Variants in CSMD1 observed in about 807,000 individuals in gnomAD.
CSMD1 encodes the protein CUB and sushi domain-containing protein 1.
CSMD1 carries 213 observed loss-of-function variants against 417.5 expected under a neutral mutation model. The ratio of observed to expected loss-of-function variants is 0.51; its 90% CI spans 0.46 to 0.57. CSMD1 has a LOEUF of 0.57. Ranked by LOEUF, CSMD1 falls within the 20% of genes least tolerant of loss-of-function variation. The pLI, the probability that CSMD1 is intolerant of heterozygous loss-of-function variation, is 0.00. For missense variants in CSMD1, 6,923 were observed against 4,529.7 expected (o/e 1.53, Z -15.17); for synonymous variants, 2,862 against 1,736.8 (o/e 1.65, Z -16.11).
intron 11 of CSMD1, among the ~76,000 whole-genome samples, chr8:3,486,371 T>C (rs56965533): frequency 0.022 from 3,343 of 152,294 alleles, 236 homozygotes; most frequent in East Asian, 0.18. Flanking sequence ...CATGCATCTA[T>C]TGTTTTAATG....
chr8:4,022,327 C>T (rs1476412045), intron 4 of CSMD1, among the ~76,000 whole-genome samples: 2 of 151,908 alleles, frequency 1.3e-5, no homozygotes, highest in Admixed American at 1.3e-4. Flanking sequence ...GTGAACACCC[C>T]TCCAATTCAG....
At chr8:4,907,727 T>C (rs1585305434) in intron 1 of CSMD1, among the ~76,000 whole-genome samples, 1 of 84,948 alleles carries the variant, frequency 1.2e-5, no homozygotes. Flanking sequence ...CCCGGCAATT[T>C]TTTTTTTTTT....
intron 3 of CSMD1, among the ~76,000 whole-genome samples, chr8:4,102,583 A>G (rs1367287950): frequency 6.6e-6 from 1 of 152,172 alleles, no homozygotes; most frequent in African/African-American, 2.4e-5. Context: ...GGCTGAAATA[A>G]TTCAATCTAA....
intron 2 of CSMD1, among the ~76,000 whole-genome samples, chr8:4,622,790 A>G (rs1348502390): frequency 2.6e-5 from 4 of 152,150 alleles, no homozygotes; most frequent in Admixed American, 2.0e-4. Flanking sequence ...TACAGCACCC[A>G]AAAGAAGAAG....
intron 54 of CSMD1, among the ~76,000 whole-genome samples, chr8:2,981,637 G>A (rs975779020): frequency 5.3e-5 from 8 of 152,138 alleles, no homozygotes; most frequent in East Asian, 1.9e-4. Context: ...ACAGCTCAGC[G>A]TGGATTTTGT....
intron 21 of CSMD1, among the ~76,000 whole-genome samples, chr8:3,349,053 T>C (rs1315933530): frequency 6.6e-6 from 1 of 152,196 alleles, no homozygotes; most frequent in Non-Finnish European, 1.5e-5. Context: ...CCAACAATTT[T>C]ACAGACTATA....
At chr8:4,497,227 T>A (rs781165686) in intron 2 of CSMD1, among the ~76,000 whole-genome samples, 77 of 152,200 alleles carry the variant, frequency 5.1e-4, no homozygotes, top group Non-Finnish European at 9.0e-4. Flanking sequence ...TACTCCTGGA[T>A]GATCACTTCC....
intron 1 of CSMD1, among the ~76,000 whole-genome samples, chr8:4,984,473 AT>A (rs1185210401): frequency 2.6e-5 from 4 of 152,186 alleles, no homozygotes. Context: ...TTATAGGACC[AT>A]TTACCTGCTT....
intron 5 of CSMD1, among the ~76,000 whole-genome samples, chr8:3,974,004 A>G (rs2130111076): frequency 6.6e-6 from 1 of 152,348 alleles, no homozygotes; most frequent in South Asian, 2.1e-4. Context: ...CAATGCAATT[A>G]CACTCTTTAA....
At chr8:3,577,017 T>C (rs1238120390) in intron 9 of CSMD1, among the ~76,000 whole-genome samples, 1 of 152,206 alleles carries the variant, frequency 6.6e-6, no homozygotes, top group African/African-American at 2.4e-5. Context: ...CATTTCAAGC[T>C]TTTAAAAAGT....
chr8:4,657,295 G>A (rs567273186), intron 1 of CSMD1, among the ~76,000 whole-genome samples: 3 of 152,332 alleles, frequency 2.0e-5, no homozygotes, highest in East Asian at 3.9e-4. Flanking sequence ...CTGGCGAAGT[G>A]TTGAAGGAGG....
At chr8:3,366,505 A>C (rs1809574859) in intron 20 of CSMD1, among the ~76,000 whole-genome samples, 2 of 152,236 alleles carry the variant, frequency 1.3e-5, no homozygotes, top group Non-Finnish European at 1.5e-5. Flanking sequence ...ATTAAAAATA[A>C]AGATGTTACC....
intron 1 of CSMD1, among the ~76,000 whole-genome samples, chr8:4,684,699 C>T (rs933204509): frequency 6.6e-6 from 1 of 152,104 alleles, no homozygotes; most frequent in Non-Finnish European, 1.5e-5. Flanking sequence ...CATACGCTTT[C>T]CCTGTCTCAG....
intron 27 of CSMD1, among the ~76,000 whole-genome samples, chr8:3,225,229 A>G (rs533540506): frequency 6.0e-4 from 91 of 152,260 alleles, no homozygotes; most frequent in Non-Finnish European, 1.1e-3. Context: ...ATAACAACTA[A>G]CTCCAGTAGT....
At chr8:4,917,746 G>A (rs1327860156) in intron 1 of CSMD1, among the ~76,000 whole-genome samples, 1 of 152,188 alleles carries the variant, frequency 6.6e-6, no homozygotes, top group Non-Finnish European at 1.5e-5. Flanking sequence ...CACAAAACAA[G>A]GATGCCAAGT....
chr8:3,307,897 A>G, intron 24 of CSMD1, 76 bp from the exon 25 acceptor site: 8 of 1,521,952 alleles, frequency 5.3e-6, no homozygotes, highest in South Asian at 2.5e-5. Flanking sequence ...TTTCAAAACC[A>G]AAGCCATTAT....
intron 33 of CSMD1, among the ~76,000 whole-genome samples, chr8:3,190,837 C>A (rs180850218): frequency 6.6e-6 from 1 of 152,134 alleles, no homozygotes. Flanking sequence ...GGACATCGTG[C>A]TAAGTGAAAT....
chr8:4,745,351 T>A (rs1810883592), intron 1 of CSMD1, among the ~76,000 whole-genome samples: 2 of 152,194 alleles, frequency 1.3e-5, no homozygotes, highest in African/African-American at 4.8e-5. Context: ...CTATACAGTT[T>A]AGTTACAAAT....
At chr8:4,881,627 T>A (rs999739565) in intron 1 of CSMD1, among the ~76,000 whole-genome samples, 2 of 151,852 alleles carry the variant, frequency 1.3e-5, no homozygotes, top group Non-Finnish European at 2.9e-5. Context: ...TTTCTTAAAT[T>A]TGGAAATAAA....
Sources: gnomAD v4.1 joint callset for allele counts (sites outside exome capture counted in the v4.1 genomes callset) on GRCh38, gnomAD v4.1.1 for gene constraint, MANE v1.5 for transcripts, NCBI Gene and HGNC (gene_info 2026-07-23, HGNC 2026-07-21) for gene names.